Variants in CALN1 observed in about 807,000 individuals in gnomAD.
The protein encoded by CALN1 is calneuron 1.
A neutral mutation model predicts 30.6 loss-of-function variants in CALN1; 17 were observed. That is an observed-to-expected ratio of 0.56 (90% CI 0.38 to 0.83). The LOEUF (loss-of-function observed/expected upper bound fraction) is 0.83, where lower values mean the gene tolerates loss of function less well. Among genes scored for constraint, CALN1 ranks in the 40% least tolerant of loss-of-function variants. CALN1 has a pLI of 0.00. For synonymous variants in CALN1, 156 were observed against 131.4 expected (o/e 1.19, Z -1.28); for missense variants, 291 against 354.9 (o/e 0.82, Z 1.45).
the CALN1 span, among the ~76,000 whole-genome samples, chr7:72,497,588 T>G: frequency 2.0e-5 from 3 of 152,188 alleles, no homozygotes; most frequent in Non-Finnish European, 4.4e-5. Context: ...AAGAGCTACA[T>G]CCTAGAAACG....
In CALN1 at chr7:71,968,823, T is replaced by C. The variant is rs535192212; in HGVS notation, c.501+54834A>G. ...ACTTTGGGAGGCTGAGGTGAGAGGA[T>C]TGCTTGAGTCCAGGAGTTCAAGACC... On this transcript the variant is annotated intron_variant, in intron 5 of 6. Transcript: ENST00000395275. Among the ~76,000 whole-genome samples the C allele has an allele frequency of 1.1e-4, 16 of 151,922 alleles. No homozygotes were observed. The South Asian group carries it at 2.1e-3, about 20-fold the overall frequency.
intron 2 of CALN1, among the ~76,000 whole-genome samples, chr7:72,316,151 A>C (rs908636331): frequency 1.6e-5 from 1 of 63,736 alleles, no homozygotes; most frequent in Non-Finnish European, 4.7e-5. Flanking sequence ...TCTTTAAAAA[A>C]AAAGAAAGAA....
At chr7:72,146,060 A>G (rs1786691490) in intron 3 of CALN1, among the ~76,000 whole-genome samples, 1 of 152,214 alleles carries the variant, frequency 6.6e-6, no homozygotes, top group Non-Finnish European at 1.5e-5. Context: ...GAAAACTGGC[A>G]CAAGACAGGG....
intron 5 of CALN1, among the ~76,000 whole-genome samples, chr7:71,940,847 G>A (rs1404381012): frequency 2.6e-5 from 4 of 152,058 alleles, no homozygotes; most frequent in Non-Finnish European, 5.9e-5. Context: ...TCCTGAGCTA[G>A]GCAATCCACC....
At chr7:72,074,713 T>C (rs1446108832) in intron 4 of CALN1, among the ~76,000 whole-genome samples, 1 of 152,104 alleles carries the variant, frequency 6.6e-6, no homozygotes, top group Non-Finnish European at 1.5e-5. Flanking sequence ...TGGCCCCAAA[T>C]CTACCCCTTT....
chr7:72,472,038 C>T, the CALN1 span, among the ~76,000 whole-genome samples: 4 of 152,090 alleles, frequency 2.6e-5, no homozygotes, highest in Non-Finnish European at 5.9e-5. Flanking sequence ...TCAAGAAATC[C>T]TCGCACCTCG....
At chr7:71,908,843 T>C (rs1396497431) in intron 5 of CALN1, among the ~76,000 whole-genome samples, 6 of 152,264 alleles carry the variant, frequency 3.9e-5, no homozygotes, top group East Asian at 3.9e-4. Flanking sequence ...ACTTGGTCCA[T>C]TGATTCAGGG....
In CALN1 at chr7:72,110,747, AGG is replaced by A. The variant is rs143266144; in HGVS notation, c.245-4455_245-4454del. On this transcript the variant is annotated intron_variant, in intron 3 of 6. Coordinates refer to ENST00000395275, the MANE Select transcript of CALN1 (RefSeq NM_031468.4). Reference sequence around the variant, plus strand: ...GCACCTCGGGAGAGTTAATGTTTCTAGGGTAAGGAAAGCCCAGGCAAACCGAG... The same window carrying A: ...GCACCTCGGGAGAGTTAATGTTTCTAGTAAGGAAAGCCCAGGCAAACCGAG... Among the ~76,000 whole-genome samples the A allele has an allele frequency of 1.8e-3, 275 of 151,846 alleles. 1 individual carries two copies. The highest frequency in any genetic ancestry group is 1.4e-3 in the Non-Finnish European group (94 of 67,950).
At chr7:72,166,200 TTTTG>T (rs374795286) in intron 3 of CALN1, among the ~76,000 whole-genome samples, 20 of 152,202 alleles carry the variant, frequency 1.3e-4, no homozygotes, top group South Asian at 2.1e-4. Context: ...GGTTTCTGTT[TTTTG>T]TTTGTTTGTT....
chr7:72,435,116 T>C (rs1438438439), intron 1 of CALN1, among the ~76,000 whole-genome samples: 1 of 151,986 alleles, frequency 6.6e-6, no homozygotes, highest in African/African-American at 2.4e-5. Context: ...GTGCCTGTAG[T>C]CCTAGCTATT....
intron 2 of CALN1, among the ~76,000 whole-genome samples, chr7:72,292,544 G>A (rs1798558232): frequency 2.0e-5 from 3 of 151,176 alleles, no homozygotes; most frequent in Admixed American, 2.0e-4. Flanking sequence ...CATATAGTCA[G>A]GTGCAGTGGC....
intron 2 of CALN1, among the ~76,000 whole-genome samples, chr7:72,345,230 G>A (rs919889685): frequency 5.3e-5 from 8 of 150,196 alleles, no homozygotes; most frequent in East Asian, 3.9e-4. Context: ...AAGTGGAGGC[G>A]TCATTGTGCT....
In CALN1 at chr7:72,141,245, T is replaced by C. The variant is rs192023851; in HGVS notation, c.245-34951A>G. Among the ~76,000 whole-genome samples, 298 of 152,120 alleles carry C rather than the reference T, an allele frequency of 2.0e-3. 2 individuals are homozygous for C. Among genetic ancestry groups the C allele is most frequent in the Middle Eastern group, 6.8e-3 (2 of 294 alleles). On this transcript the variant is annotated intron_variant, in intron 3 of 6. Coordinates refer to ENST00000395275, the MANE Select transcript of CALN1 (RefSeq NM_031468.4). The stretch of plus-strand genomic sequence containing the variant: ...CCCAGGAGGTTGCAGTGAGCCATGA[T>C]TGCACCACTGTACTCCAGCCTAAGT...
the CALN1 span, among the ~76,000 whole-genome samples, chr7:72,462,178 GTATTTATT>G: frequency 2.7e-5 from 4 of 150,298 alleles, no homozygotes; most frequent in South Asian, 2.1e-4. Context: ...ATGTATGTAT[GTATTTATT>G]TATTTATTTA....
chr7:71,876,304 T>C (rs532411910), intron 5 of CALN1, among the ~76,000 whole-genome samples: 4 of 152,224 alleles, frequency 2.6e-5, no homozygotes, highest in Middle Eastern at 3.4e-3. Context: ...TCTTGCAGGA[T>C]TGGATTAGTT....
intron 5 of CALN1, among the ~76,000 whole-genome samples, chr7:71,895,247 GC>G (rs1793471777): frequency 6.6e-6 from 1 of 152,048 alleles, no homozygotes; most frequent in Admixed American, 6.6e-5. Flanking sequence ...GAACCATTGT[GC>G]CCGGCCTTGA....
chr7:72,146,126 A>G (rs546836763), intron 3 of CALN1, among the ~76,000 whole-genome samples: 3,964 of 152,312 alleles, frequency 0.026, 185 homozygotes, highest in African/African-American at 0.09. Flanking sequence ...GGCCAGGGCA[A>G]TCAGGCAGGA....
chr7:71,930,608 C>T (rs1225980248), intron 5 of CALN1, among the ~76,000 whole-genome samples: 1 of 152,084 alleles, frequency 6.6e-6, no homozygotes, highest in Non-Finnish European at 1.5e-5. Flanking sequence ...TCTTTGGTCC[C>T]TTGTGCTTTA....
chr7:72,290,648 T>C (rs1336524880), intron 2 of CALN1, among the ~76,000 whole-genome samples: 3 of 152,246 alleles, frequency 2.0e-5, no homozygotes, highest in Admixed American at 1.3e-4. Flanking sequence ...TGATACATCA[T>C]AGTGTTGTCC....
Sources: gnomAD v4.1 joint callset for allele counts (sites outside exome capture counted in the v4.1 genomes callset) on GRCh38, gnomAD v4.1.1 for gene constraint, MANE v1.5 for transcripts, NCBI Gene and HGNC (gene_info 2026-07-23, HGNC 2026-07-21) for gene names.